Variants in ZNF44 observed in about 807,000 individuals in gnomAD.
ZNF44 encodes zinc finger protein 44, also known as gonadotropin inducible transcription repressor-2.
In ZNF44, 9 loss-of-function variants were observed where a neutral mutation model predicts 11.7. The observed-to-expected ratio is 0.77, with a 90% confidence interval of 0.46 to 1.35. The LOEUF (loss-of-function observed/expected upper bound fraction) is 1.35, where lower values mean the gene tolerates loss of function less well. Among genes scored for constraint, ZNF44 ranks in the 40% most tolerant of loss-of-function variants. The pLI is 0.00. For missense variants in ZNF44, 696 were observed against 743.1 expected (o/e 0.94, Z 0.74); for synonymous variants, 224 against 242.7 (o/e 0.92, Z 0.72).
Position 12,274,051 on chromosome 19 carries a change from T to C in ZNF44, c.204A>G (p.Val68=). Residue 68 remains valine (V), a synonymous_variant, in exon 4 of 4, where the codon GTA becomes GTG. Transcript: ENST00000355684. ...CATCTTTACTTTTACCAAATCTCTC[T>C]ACCACATCACACCTGTAAAAAATGA... ...NLRRNPRCDV[V]ERFGKSKDGS... 6.2e-7 allele frequency: 1 copy of C among 1,611,044 alleles called. No individual in the cohort carries two copies.
chr19:12,248,917 G>A (rs143676660), intron 7 of ZNF44, among the ~76,000 whole-genome samples: 308 of 136,232 alleles, frequency 2.3e-3, no homozygotes, highest in African/African-American at 7.2e-3. Flanking sequence ...TTTTTGAGAC[G>A]GAGTCTCACT....
At chr19:12,252,878 C>CTTTTTTTTT (rs753388314) in intron 5 of ZNF44, among the ~76,000 whole-genome samples, 2 of 78,666 alleles carry the variant, frequency 2.5e-5, no homozygotes, top group African/African-American at 5.3e-5. Context: ...CTACAAGAAA[C>CTTTTTTTTT]TTTTTTTTTT....
chr19:12,270,382 CTGTT>C (rs1966910898), downstream of ZNF44, among the ~76,000 whole-genome samples: 2 of 151,834 alleles, frequency 1.3e-5, no homozygotes, highest in Non-Finnish European at 2.9e-5. Flanking sequence ...CCTTCTAACA[CTGTT>C]ATCGCTGCCA....
chr19:12,249,076 C>T (rs745451452), intron 7 of ZNF44, among the ~76,000 whole-genome samples: 25 of 152,086 alleles, frequency 1.6e-4, no homozygotes, highest in South Asian at 8.3e-4. Context: ...TTGCGCCCGG[C>T]TACTTTTTCA....
At chr19:12,233,076 C>T (rs902149546) in intron 2 of ZNF44, among the ~76,000 whole-genome samples, 1 of 152,158 alleles carries the variant, frequency 6.6e-6, no homozygotes, top group African/African-American at 2.4e-5. Flanking sequence ...TGACCATAAA[C>T]CACAAATAAT....
At chr19:12,261,622 A>T (rs1374274145) in intron 5 of ZNF44, among the ~76,000 whole-genome samples, 2 of 152,206 alleles carry the variant, frequency 1.3e-5, no homozygotes, top group Admixed American at 1.3e-4. Context: ...GAGCAAGACC[A>T]TGTCCTCTGT....
At chr19:12,268,973 G>A (rs1471443199), downstream of ZNF44, among the ~76,000 whole-genome samples, 1 of 151,952 alleles carries the variant, frequency 6.6e-6, no homozygotes, top group Non-Finnish European at 1.5e-5. Flanking sequence ...CAAATTCCTA[G>A]ACTCAAGTGA....
chr19:12,250,716 A>G, intron 5 of ZNF44: 1 of 453,954 alleles, frequency 2.2e-6, no homozygotes, highest in Admixed American at 2.4e-5. Context: ...ATCACTCAAC[A>G]TTCCATGAGA....
At chr19:12,284,093 G>C (rs1157459263) in intron 1 of ZNF44, among the ~76,000 whole-genome samples, 1 of 152,154 alleles carries the variant, frequency 6.6e-6, no homozygotes, top group African/African-American at 2.4e-5. Flanking sequence ...AAAAGGATTC[G>C]TGTATAAAGT....
At chr19:12,266,699 C>G (rs1917745176) in intron 5 of ZNF44, among the ~76,000 whole-genome samples, 1 of 152,206 alleles carries the variant, frequency 6.6e-6, no homozygotes. Flanking sequence ...CCAAGATCCT[C>G]AAACCTATTG....
At chr19:12,274,835 T>C (rs1967144843) in intron 3 of ZNF44, 138 bp downstream of exon 3, 10 of 562,560 alleles carry the variant, frequency 1.8e-5, no homozygotes, top group Admixed American at 7.0e-5. Context: ...TTTAATAATA[T>C]ATTTTTATAG....
intron 1 of ZNF44, among the ~76,000 whole-genome samples, chr19:12,285,814 C>G (rs766605260): frequency 3.3e-5 from 5 of 151,860 alleles, no homozygotes; most frequent in Non-Finnish European, 7.4e-5. Flanking sequence ...GTCAGGAGAT[C>G]GAGACCATCC....
chr19:12,225,572 A>G (rs950788483), downstream of ZNF44, among the ~76,000 whole-genome samples: 3 of 152,186 alleles, frequency 2.0e-5, no homozygotes, highest in Non-Finnish European at 4.4e-5. Context: ...TATTCCCGCT[A>G]TGAGGATAAT....
At chr19:12,294,380 C>A (rs1221479876) in intron 1 of ZNF44, among the ~76,000 whole-genome samples, 5 of 152,256 alleles carry the variant, frequency 3.3e-5, no homozygotes, top group Admixed American at 1.3e-4. Context: ...GTGACTTGGG[C>A]TGCGAACCTG....
Position 12,272,899 on chromosome 19 carries a change from T to C in ZNF44, c.1356A>G (p.Lys452=). 6.2e-7 allele frequency: 1 copy of C among 1,614,022 alleles called. No homozygotes were observed. The highest frequency in any genetic ancestry group is 8.5e-7 in the Non-Finnish European group (1 of 1,180,008). Residue 452 remains lysine, a synonymous_variant, in exon 4 of 4, where the codon AAA becomes AAG. Coordinates refer to ENST00000355684, the MANE Select transcript of ZNF44 (RefSeq NM_016264.4). ...THTGEQPYKC[K]CGKAFSDLFS... ...ATAAATCACTAAAAGCTTTTCCACA[T>C]TTACATTTATAGGGTTGCTCTCCAG...
At chr19:12,239,579 T>A (rs1323874811), upstream of ZNF44, among the ~76,000 whole-genome samples, 4 of 139,946 alleles carry the variant, frequency 2.9e-5, no homozygotes, top group African/African-American at 1.1e-4. Flanking sequence ...TTTTTTTTTT[T>A]TTTTTTTTTT....
chr19:12,249,317 AAAC>A (rs1916892935), intron 7 of ZNF44, among the ~76,000 whole-genome samples: 8 of 151,020 alleles, frequency 5.3e-5, no homozygotes, highest in African/African-American at 1.7e-4. Context: ...CATCCTGGCT[AAAC>A]ACAGTGAAAC....
upstream of ZNF44, among the ~76,000 whole-genome samples, chr19:12,241,630 G>A (rs184204403): frequency 5.3e-5 from 8 of 152,198 alleles, no homozygotes; most frequent in Admixed American, 4.6e-4. Flanking sequence ...GGGAGGTGGA[G>A]GTTTCAGTGA....
At chr19:12,277,738 C>T (rs1967293638) in intron 1 of ZNF44, among the ~76,000 whole-genome samples, 1 of 151,536 alleles carries the variant, frequency 6.6e-6, no homozygotes, top group Non-Finnish European at 1.5e-5. Context: ...GTGTAGAACT[C>T]TGATCACCAC....
Sources: gnomAD v4.1 joint callset for allele counts (sites outside exome capture counted in the v4.1 genomes callset) on GRCh38, gnomAD v4.1.1 for gene constraint, MANE v1.5 for transcripts, NCBI Gene and HGNC (gene_info 2026-07-23, HGNC 2026-07-21) for gene names.